GULP1: variants seen among roughly 807,000 people sequenced by gnomAD.
GULP1 encodes the protein PTB domain-containing engulfment adapter protein 1.
GULP1 carries 19 observed loss-of-function variants against 40.9 expected under a neutral mutation model. The observed-to-expected ratio is 0.46, with a 90% confidence interval of 0.32 to 0.68. GULP1 has a LOEUF of 0.68. Ranked by LOEUF, GULP1 falls within the 30% of genes least tolerant of loss-of-function variation. GULP1 has a pLI of 0.03. For missense variants in GULP1, 312 were observed against 362.2 expected (o/e 0.86, Z 1.12); for synonymous variants, 119 against 117.6 (o/e 1.01, Z -0.08).
At chr2:188,315,572 T>C (rs1227399061) in intron 1 of GULP1, among the ~76,000 whole-genome samples, 1 of 152,152 alleles carries the variant, frequency 6.6e-6, no homozygotes, top group Non-Finnish European at 1.5e-5. Flanking sequence ...CTACTTGATG[T>C]TAAGAAAGTA....
At chr2:188,433,050 A>C (rs1482204710) in intron 2 of GULP1, among the ~76,000 whole-genome samples, 1 of 152,182 alleles carries the variant, frequency 6.6e-6, no homozygotes, top group African/African-American at 2.4e-5. Context: ...GCAGATTTAA[A>C]GCAGGCAGAA....
intron 4 of GULP1, among the ~76,000 whole-genome samples, chr2:188,493,121 C>G (rs1329430161): frequency 6.6e-6 from 1 of 151,998 alleles, no homozygotes; most frequent in Non-Finnish European, 1.5e-5. Context: ...TTTACGAGAC[C>G]TATGTTTATA....
At chr2:188,531,745 G>C (rs2153234420) in intron 6 of GULP1, among the ~76,000 whole-genome samples, 1 of 152,062 alleles carries the variant, frequency 6.6e-6, no homozygotes, top group Middle Eastern at 3.4e-3. Context: ...TAGGCAATTA[G>C]CAGTTACATA....
At chr2:188,312,277 T>G (rs538293137) in intron 1 of GULP1, among the ~76,000 whole-genome samples, 1 of 152,258 alleles carries the variant, frequency 6.6e-6, no homozygotes, top group East Asian at 1.9e-4. Flanking sequence ...TTGCTGCACC[T>G]ATTGACCTAT....
In GULP1 at chr2:188,569,267, A is replaced by G. The variant is rs758746005; in HGVS notation, c.428A>G (p.Gln143Arg). Residue 143 changes from glutamine to arginine, a missense_variant, in exon 8 of 12, where the codon CAA becomes CGA. Coordinates refer to ENST00000409830, the MANE Select transcript of GULP1 (RefSeq NM_016315.4). ...CAEEITLTIGQAFDLAYRKFL... is the reference protein window; with the variant it reads ...CAEEITLTIGRAFDLAYRKFL... Reference sequence around the variant, plus strand: ...GAAGAGATCACTTTAACAATTGGCCAAGCATTTGACCTGGCATACAGGAAA... The same window carrying G: ...GAAGAGATCACTTTAACAATTGGCCGAGCATTTGACCTGGCATACAGGAAA... 1 of 1,590,916 alleles carries G rather than the reference A, an allele frequency of 6.3e-7. No individual in the cohort carries two copies. Among genetic ancestry groups the G allele is most frequent in the Admixed American group, 1.7e-5 (1 of 59,932 alleles).
chr2:188,413,905 A>G lies in GULP1; in HGVS notation c.-45+30016A>G, dbSNP rs980332001. 9.8e-5 allele frequency among the ~76,000 whole-genome samples: 15 copies of G among 152,318 alleles called. No individual in the cohort carries two copies. In the East Asian group the frequency reaches 2.7e-3, roughly 27 times the overall value. On this transcript the variant is annotated intron_variant, in intron 2 of 11. Coordinates refer to ENST00000409830, the MANE Select transcript of GULP1 (RefSeq NM_016315.4). ...AAAATGAATTTTTTAATGCATTAAA[A>G]TAAAGTTAGTGTTGCCTTGTAAAAA...
At chr2:188,417,272 C>A (rs966644714) in intron 2 of GULP1, among the ~76,000 whole-genome samples, 1 of 152,102 alleles carries the variant, frequency 6.6e-6, no homozygotes, top group Non-Finnish European at 1.5e-5. Flanking sequence ...AAGCATGGCT[C>A]ATTGGATTAT....
chr2:188,585,016 C>CA (rs1328848023), intron 10 of GULP1, among the ~76,000 whole-genome samples: 1 of 152,160 alleles, frequency 6.6e-6, no homozygotes, highest in Non-Finnish European at 1.5e-5. Context: ...AATGAGCATA[C>CA]AGGCATTGGG....
intron 1 of GULP1, among the ~76,000 whole-genome samples, chr2:188,367,535 C>G (rs1268995331): frequency 1.3e-5 from 2 of 152,226 alleles, no homozygotes; most frequent in East Asian, 3.9e-4. Flanking sequence ...AACCAGTGTT[C>G]TTTTTGAAGT....
At chr2:188,581,076 G>A (rs1434093762) in intron 9 of GULP1, among the ~76,000 whole-genome samples, 1 of 152,094 alleles carries the variant, frequency 6.6e-6, no homozygotes, top group African/African-American at 2.4e-5. Context: ...GTACTCAGGT[G>A]CCCTGGCCAG....
rs183712311 is a variant in GULP1, at chr2:188,551,365, T to C, written c.399+10047T>C. ...CAGGCTCTGTTATCCATCTTTCTAC[T>C]CTCTACCTCCATGTGATGAAATACT... On this transcript the variant is annotated intron_variant, in intron 7 of 11. Coordinates refer to ENST00000409830, the MANE Select transcript of GULP1 (RefSeq NM_016315.4). 3.4e-3 allele frequency among the ~76,000 whole-genome samples: 523 copies of C among 151,828 alleles called. 6 individuals are homozygous for C. Among genetic ancestry groups the C allele is most frequent in the African/African-American group, 0.011 (469 of 41,518 alleles).
At chr2:188,474,912 G>A (rs773605800) in intron 2 of GULP1, among the ~76,000 whole-genome samples, 2 of 152,012 alleles carry the variant, frequency 1.3e-5, no homozygotes, top group African/African-American at 4.8e-5. Flanking sequence ...AAGGATTTAT[G>A]TTACACCATA....
intron 4 of GULP1, among the ~76,000 whole-genome samples, chr2:188,505,239 G>T (rs1434893354): frequency 2.0e-5 from 3 of 151,676 alleles, no homozygotes; most frequent in Non-Finnish European, 4.4e-5. Flanking sequence ...CTCTGAAGTG[G>T]TATGTGTTTT....
chr2:188,492,357 G>A (rs1413271405), intron 4 of GULP1, among the ~76,000 whole-genome samples: 1 of 152,056 alleles, frequency 6.6e-6, no homozygotes, highest in African/African-American at 2.4e-5. Context: ...CTATCAGGCA[G>A]AAATAACCCA....
chr2:188,323,117 G>T (rs1157559301), intron 1 of GULP1, among the ~76,000 whole-genome samples: 1 of 151,754 alleles, frequency 6.6e-6, no homozygotes, highest in Non-Finnish European at 1.5e-5. Context: ...TTATTTGTCT[G>T]TAAATATCGA....
chr2:188,529,585 T>G (rs1399978596), intron 6 of GULP1, among the ~76,000 whole-genome samples: 1 of 152,194 alleles, frequency 6.6e-6, no homozygotes, highest in Non-Finnish European at 1.5e-5. Context: ...CAGTGTGTAT[T>G]AGTTTTTTAC....
In GULP1 at chr2:188,584,287, C is replaced by T. The variant is rs777523077; in HGVS notation, c.632C>T (p.Ser211Leu). ...APPAGSMTPK[S>L]PSTDIFDMIP... ...CAGGCAGGCAGTATGACACCTAAGT[C>T]GCCCTCCACTGACATCTTTGATATG... is the stretch of plus-strand genomic sequence containing the variant. Residue 211 changes from serine (S) to leucine (L), a missense_variant, in exon 10 of 12, where the codon TCG (serine) becomes TTG (leucine). Ser to Leu is a moderately radical substitution (Grantham distance 145). Coordinates refer to ENST00000409830, the MANE Select transcript of GULP1 (RefSeq NM_016315.4). 1.4e-5 allele frequency: 22 copies of T among 1,607,232 alleles called. No homozygotes were observed. The highest frequency in any genetic ancestry group is 1.6e-4 in the Middle Eastern group (1 of 6,064).
chr2:188,507,396 C>CTTTTTTTTTT (rs5837091), intron 4 of GULP1, among the ~76,000 whole-genome samples: 36 of 103,518 alleles, frequency 3.5e-4, no homozygotes, highest in Non-Finnish European at 3.8e-4. Context: ...CATTTGTTTT[C>CTTTTTTTTTT]TTTTTTTTTT....
chr2:188,321,422 A>T (rs766322025), intron 1 of GULP1, among the ~76,000 whole-genome samples: 1 of 152,158 alleles, frequency 6.6e-6, no homozygotes, highest in Non-Finnish European at 1.5e-5. Flanking sequence ...ACTAATACTG[A>T]GTCTAATACA....
Sources: gnomAD v4.1 joint callset for allele counts (sites outside exome capture counted in the v4.1 genomes callset) on GRCh38, gnomAD v4.1.1 for gene constraint, MANE v1.5 for transcripts, NCBI Gene and HGNC (gene_info 2026-07-23, HGNC 2026-07-21) for gene names.